CADPS2: variants seen among roughly 807,000 people sequenced by gnomAD.
The protein encoded by CADPS2 is calcium-dependent secretion activator 2.
A neutral mutation model predicts 172.5 loss-of-function variants in CADPS2; 93 were observed. The observed-to-expected ratio is 0.54, with a 90% CI of 0.46 to 0.64. The LOEUF (loss-of-function observed/expected upper bound fraction) is 0.64. CADPS2 is among the 30% of genes least tolerant of loss of function. The pLI is 0.00. For missense variants in CADPS2, 1,420 were observed against 1,565.9 expected, an observed-to-expected ratio of 0.91 and a Z score of 1.57; for synonymous variants, 546 against 555.2, an observed-to-expected ratio of 0.98 and a Z score of 0.23.
intron 1 of CADPS2, among the ~76,000 whole-genome samples, chr7:122,848,261 C>A (rs895469838): frequency 2.6e-5 from 4 of 152,186 alleles, no homozygotes; most frequent in Admixed American, 6.5e-5. Flanking sequence ...TGCAGGAAGA[C>A]AAACCCTTCC....
intron 1 of CADPS2, among the ~76,000 whole-genome samples, chr7:122,759,653 C>T (rs899900481): frequency 2.6e-5 from 4 of 152,006 alleles, no homozygotes; most frequent in Non-Finnish European, 4.4e-5. Flanking sequence ...TAGAGGACTT[C>T]AATGATTTTA....
At chr7:122,884,736 G>C (rs970246894) in intron 1 of CADPS2, among the ~76,000 whole-genome samples, 1 of 152,194 alleles carries the variant, frequency 6.6e-6, no homozygotes, top group African/African-American at 2.4e-5. Context: ...AACTATAGGT[G>C]TGTACTTATC....
At chr7:122,686,577 A>G (rs931115247) in intron 2 of CADPS2, among the ~76,000 whole-genome samples, 6 of 152,292 alleles carry the variant, frequency 3.9e-5, no homozygotes, top group East Asian at 3.9e-4. Flanking sequence ...CATTTCTAAC[A>G]AGTTCCCAGG....
chr7:122,440,640 C>T (rs759472594), intron 16 of CADPS2, among the ~76,000 whole-genome samples: 1 of 152,142 alleles, frequency 6.6e-6, no homozygotes, highest in Non-Finnish European at 1.5e-5. Context: ...TGGACAATGT[C>T]TTCTCTCTTT....
At chr7:122,544,354 G>T (rs1449208487) in intron 8 of CADPS2, among the ~76,000 whole-genome samples, 1 of 152,076 alleles carries the variant, frequency 6.6e-6, no homozygotes, top group Non-Finnish European at 1.5e-5. Context: ...AAAATAAATT[G>T]AATAGGATTT....
At chr7:122,377,237 A>G (rs969640566) in intron 25 of CADPS2, among the ~76,000 whole-genome samples, 1 of 152,144 alleles carries the variant, frequency 6.6e-6, no homozygotes, top group African/African-American at 2.4e-5. Context: ...CCACTGGTGG[A>G]CTGTGCAGGT....
chr7:122,419,602 T>G (rs1370439657), intron 17 of CADPS2, among the ~76,000 whole-genome samples: 1 of 152,094 alleles, frequency 6.6e-6, no homozygotes, highest in Admixed American at 6.6e-5. Flanking sequence ...TTTCATCAGA[T>G]TCTCAAAGTT....
chr7:122,581,683 T>C (rs1440430445), intron 6 of CADPS2, among the ~76,000 whole-genome samples: 1 of 152,096 alleles, frequency 6.6e-6, no homozygotes, highest in Non-Finnish European at 1.5e-5. Context: ...TCTCAGAAAA[T>C]GATTTTTATA....
intron 1 of CADPS2, among the ~76,000 whole-genome samples, chr7:122,800,851 C>T (rs1329413668): frequency 4.0e-5 from 6 of 151,794 alleles, no homozygotes; most frequent in Admixed American, 6.6e-5. Context: ...ATTAGCCGGG[C>T]GTGGTGGCAC....
intron 3 of CADPS2, among the ~76,000 whole-genome samples, chr7:122,653,056 A>C (rs2079346708): frequency 6.6e-6 from 1 of 152,178 alleles, no homozygotes; most frequent in Non-Finnish European, 1.5e-5. Flanking sequence ...GGATATTACC[A>C]AACGATGGCC....
At chr7:122,667,370 A>G (rs1160532218) in intron 2 of CADPS2, among the ~76,000 whole-genome samples, 2 of 152,228 alleles carry the variant, frequency 1.3e-5, no homozygotes, top group African/African-American at 4.8e-5. Context: ...AGTCAGAGCT[A>G]GATTCCACCA....
chr7:122,554,025 G>A (rs148717776), intron 8 of CADPS2, among the ~76,000 whole-genome samples: 2 of 152,192 alleles, frequency 1.3e-5, no homozygotes, highest in Non-Finnish European at 2.9e-5. Context: ...GACAGTCCCT[G>A]CATTTCTTCC....
chr7:122,365,266 G>C (rs2040704978), intron 25 of CADPS2, among the ~76,000 whole-genome samples: 1 of 152,138 alleles, frequency 6.6e-6, no homozygotes. Flanking sequence ...TATCCCTAAA[G>C]GTCCCTGGGG....
rs374655477 is a variant in CADPS2 at position 122,597,360 on chromosome 7, T to C, written c.1224-16070A>G. Among the ~76,000 whole-genome samples, 248 of 152,216 alleles carry C rather than the reference T, an allele frequency of 1.6e-3. 2 individuals are homozygous for C. The highest frequency in any genetic ancestry group is 3.3e-3 in the Non-Finnish European group (225 of 67,992). Reference sequence around the variant, plus strand: ...ATCAGAAGGCTTAGTAAATAAATGCTTGTTCTTAATTTACCTGAGCACTGC... The same window carrying C: ...ATCAGAAGGCTTAGTAAATAAATGCCTGTTCTTAATTTACCTGAGCACTGC... On this transcript the variant is annotated intron_variant, in intron 6 of 29. Transcript: ENST00000449022.
chr7:122,608,804 T>C (rs941204618), intron 6 of CADPS2, among the ~76,000 whole-genome samples: 1 of 152,128 alleles, frequency 6.6e-6, no homozygotes, highest in South Asian at 2.1e-4. Context: ...CTCTAACAAA[T>C]GTTACTGATA....
At chr7:122,665,585 A>C (rs993096643) in intron 2 of CADPS2, among the ~76,000 whole-genome samples, 1 of 152,220 alleles carries the variant, frequency 6.6e-6, no homozygotes, top group Non-Finnish European at 1.5e-5. Flanking sequence ...GGGCAAAATC[A>C]TCTAATGCAA....
At chr7:122,438,986 C>T (rs1337695297) in intron 16 of CADPS2, among the ~76,000 whole-genome samples, 1 of 151,432 alleles carries the variant, frequency 6.6e-6, no homozygotes, top group African/African-American at 2.4e-5. Context: ...TTGTGATTTG[C>T]TGTGAATACC....
At chr7:122,353,063 CATA>C (rs1406884659) in intron 27 of CADPS2, among the ~76,000 whole-genome samples, 3 of 152,074 alleles carry the variant, frequency 2.0e-5, no homozygotes, top group Non-Finnish European at 4.4e-5. Context: ...TCTGAATTCT[CATA>C]ATGAGGGAGG....
chr7:122,840,670 A>G (rs1199717173), intron 1 of CADPS2, among the ~76,000 whole-genome samples: 1 of 152,052 alleles, frequency 6.6e-6, no homozygotes, highest in Non-Finnish European at 1.5e-5. Context: ...AGTCCCAGGT[A>G]CTCCAGAGGC....
Sources: gnomAD v4.1 joint callset for allele counts (sites outside exome capture counted in the v4.1 genomes callset) on GRCh38, gnomAD v4.1.1 for gene constraint, MANE v1.5 for transcripts, NCBI Gene and HGNC (gene_info 2026-07-23, HGNC 2026-07-21) for gene names.